Variants in IGSF11 observed in about 807,000 individuals in gnomAD.
The protein encoded by IGSF11 is immunoglobulin superfamily member 11.
Under a neutral mutation model 41.0 loss-of-function variants are expected in IGSF11, and 22 were observed. The ratio of observed to expected loss-of-function variants is 0.54; its 90% CI spans 0.38 to 0.77. IGSF11 has a LOEUF of 0.77. Ranked by LOEUF, IGSF11 falls within the 30% of genes least tolerant of loss-of-function variation. IGSF11 has a pLI of 0.00. For missense variants in IGSF11, 444 were observed against 530.8 expected, an observed-to-expected ratio of 0.84 and a Z score of 1.61; for synonymous variants, 219 against 201.3, an observed-to-expected ratio of 1.09 and a Z score of -0.74.
intron 1 of IGSF11, among the ~76,000 whole-genome samples, chr3:119,028,887 T>C (rs1940087638): frequency 6.6e-6 from 1 of 152,102 alleles, no homozygotes; most frequent in African/African-American, 2.4e-5. Context: ...GCTCTGTGGA[T>C]TGTACCAACA....
At chr3:119,040,579 A>G (rs1333602036) in intron 1 of IGSF11, among the ~76,000 whole-genome samples, 1 of 152,062 alleles carries the variant, frequency 6.6e-6, no homozygotes, top group Non-Finnish European at 1.5e-5. Context: ...TCCCCGTTGT[A>G]TTTTTTCTTA....
chr3:119,083,504 TCACA>T (rs58353612), intron 1 of IGSF11, among the ~76,000 whole-genome samples: 26,867 of 148,236 alleles, frequency 0.18, 2,596 homozygotes, highest in Non-Finnish European at 0.23. Context: ...ACCACAAAGA[TCACA>T]CACACACACA....
intron 1 of IGSF11, among the ~76,000 whole-genome samples, chr3:118,989,939 G>A (rs1248327043): frequency 6.6e-6 from 1 of 152,112 alleles, no homozygotes; most frequent in African/African-American, 2.4e-5. Context: ...GATAAGCAGG[G>A]GTTTTCCAGA....
At chr3:118,920,448 T>C (rs370982166) in intron 4 of IGSF11, among the ~76,000 whole-genome samples, 9 of 152,110 alleles carry the variant, frequency 5.9e-5, no homozygotes, top group East Asian at 5.8e-4. Flanking sequence ...AGATGACAGA[T>C]TGAAAACCCA....
At chr3:119,006,492 T>C (rs1362607027) in intron 1 of IGSF11, among the ~76,000 whole-genome samples, 3 of 131,236 alleles carry the variant, frequency 2.3e-5, no homozygotes, top group Non-Finnish European at 4.7e-5. Flanking sequence ...TCCAGCTTTG[T>C]TCCGTTGCTG....
intron 1 of IGSF11, among the ~76,000 whole-genome samples, chr3:118,997,142 T>C (rs944567424): frequency 6.6e-6 from 1 of 151,840 alleles, no homozygotes; most frequent in Non-Finnish European, 1.5e-5. Context: ...TAAACAGTAA[T>C]AGGATCCTGA....
At chr3:118,939,908 A>C (rs1250551884) in intron 1 of IGSF11, among the ~76,000 whole-genome samples, 1 of 152,178 alleles carries the variant, frequency 6.6e-6, no homozygotes, top group African/African-American at 2.4e-5. Context: ...AAATCAATAA[A>C]ATCAAAATTT....
chr3:119,085,563 T>C (rs2076657735), intron 1 of IGSF11, among the ~76,000 whole-genome samples: 1 of 152,140 alleles, frequency 6.6e-6, no homozygotes, highest in Admixed American at 6.5e-5. Flanking sequence ...GTAACAGAGA[T>C]AGGATTCAGA....
chr3:119,101,397 T>C (rs1206731980), intron 1 of IGSF11, among the ~76,000 whole-genome samples: 1 of 151,946 alleles, frequency 6.6e-6, no homozygotes, highest in Admixed American at 6.6e-5. Context: ...TAGTCCCAGA[T>C]ACTAGGGAGG....
intron 1 of IGSF11, among the ~76,000 whole-genome samples, chr3:118,963,951 G>T (rs1335437343): frequency 6.6e-6 from 1 of 152,126 alleles, no homozygotes; most frequent in African/African-American, 2.4e-5. Flanking sequence ...GAAGCCTTTT[G>T]TTCTTAGTGA....
intron 1 of IGSF11, among the ~76,000 whole-genome samples, chr3:119,087,655 T>G (rs1317994235): frequency 6.6e-6 from 1 of 152,098 alleles, no homozygotes; most frequent in Non-Finnish European, 1.5e-5. Flanking sequence ...GATAAAAGAC[T>G]ACACATTGGG....
intron 1 of IGSF11, among the ~76,000 whole-genome samples, chr3:119,101,591 C>T (rs1444454660): frequency 1.3e-5 from 2 of 152,124 alleles, no homozygotes; most frequent in Non-Finnish European, 1.5e-5. Context: ...TAAAATGTAT[C>T]CTTCCTTCCC....
intron 1 of IGSF11, among the ~76,000 whole-genome samples, chr3:119,019,630 T>C: frequency 6.6e-6 from 1 of 152,034 alleles, no homozygotes; most frequent in Non-Finnish European, 1.5e-5. Context: ...GAGTTGCCCC[T>C]ATAGCCACAC....
chr3:119,036,562 A>C (rs1363547957), upstream of IGSF11, among the ~76,000 whole-genome samples: 1 of 152,240 alleles, frequency 6.6e-6, no homozygotes, highest in African/African-American at 2.4e-5. Context: ...CCTTTAAATA[A>C]ATATCCTTTA....
At chr3:119,118,495 C>A (rs903391881) in intron 1 of IGSF11, among the ~76,000 whole-genome samples, 2 of 152,228 alleles carry the variant, frequency 1.3e-5, no homozygotes, top group Non-Finnish European at 2.9e-5. Flanking sequence ...AGCACAGGAA[C>A]CTTGGGCTCA....
intron 1 of IGSF11, among the ~76,000 whole-genome samples, chr3:119,024,789 C>A (rs901298542): frequency 3.3e-5 from 5 of 151,684 alleles, no homozygotes; most frequent in African/African-American, 1.2e-4. Flanking sequence ...TTGGCTTAGA[C>A]AAAGAAAGCT....
intron 1 of IGSF11, among the ~76,000 whole-genome samples, chr3:119,061,290 T>C (rs1425121837): frequency 2.6e-5 from 4 of 152,220 alleles, no homozygotes; most frequent in Non-Finnish European, 1.5e-5. Context: ...TAGTTTCTGC[T>C]GCAGCTTAGA....
intron 1 of IGSF11, among the ~76,000 whole-genome samples, chr3:119,073,869 G>T (rs2076446516): frequency 6.6e-6 from 1 of 152,256 alleles, no homozygotes; most frequent in African/African-American, 2.4e-5. Flanking sequence ...GTAGGCTGAA[G>T]GGCTCCTCAA....
chr3:119,118,437 C>G (rs997368545), intron 1 of IGSF11, among the ~76,000 whole-genome samples: 2 of 152,346 alleles, frequency 1.3e-5, no homozygotes, highest in Admixed American at 6.5e-5. Flanking sequence ...CTTTCGGCCA[C>G]AGCTGGAGTG....
Sources: allele counts gnomAD v4.1 joint callset (sites outside exome capture counted in the v4.1 genomes callset), GRCh38; gene constraint gnomAD v4.1.1; transcripts MANE v1.5; gene names NCBI Gene and HGNC (gene_info 2026-07-23, HGNC 2026-07-21).